Variants in ZNF91 observed in about 807,000 individuals in gnomAD.
The protein encoded by ZNF91 is zinc finger protein 91 (HPF7, HTF10).
Under a neutral mutation model 12.6 loss-of-function variants are expected in ZNF91, and 7 were observed. That is an observed-to-expected ratio of 0.55 (90% CI 0.31 to 1.04). ZNF91 has a LOEUF of 1.04. ZNF91 is among the 50% of genes least tolerant of loss of function. ZNF91 has a pLI of 0.05. For synonymous variants in ZNF91, 453 were observed against 462.6 expected, an observed-to-expected ratio of 0.98 and a Z score of 0.27; for missense variants, 1,217 against 1,385.4, an observed-to-expected ratio of 0.88 and a Z score of 1.93.
In ZNF91 at chr19:23,374,782, A is replaced by T. The variant is rs751594602; in HGVS notation, c.31-18T>A. ...AACAGTCCCTGAAAAACACACACAAACACACATATTTACAAAGTGGCTATG... is the reference window on the plus strand; with the variant it reads ...AACAGTCCCTGAAAAACACACACAATCACACATATTTACAAAGTGGCTATG... On this transcript the variant is annotated intron_variant, in intron 1 of 3. Transcript: ENST00000300619. The T allele has an allele frequency of 6.2e-7, 1 of 1,605,452 alleles. No homozygotes were observed. The highest frequency in any genetic ancestry group is 8.5e-7 in the Non-Finnish European group (1 of 1,175,372).
chr19:23,362,382 T>C lies in ZNF91; in HGVS notation c.597A>G (p.Gln199=), dbSNP rs751473780. 2.6e-5 allele frequency: 42 copies of C among 1,613,752 alleles called. No homozygotes were observed. The African/African-American group carries it at 4.8e-4, about 18-fold the overall frequency. The part of the protein sequence containing the change: ...KSFCIRLHKT[Q]HKCVYITEKS... ...TCTCTGTAATATAAACGCATTTATGTTGGGTTTTGTGTAAACGGATGCAAA... is the reference window on the plus strand; with the variant it reads ...TCTCTGTAATATAAACGCATTTATGCTGGGTTTTGTGTAAACGGATGCAAA... The change falls in exon 4 of 4, where the codon CAA becomes CAG. Residue 199 remains glutamine, a synonymous_variant. Transcript: ENST00000300619.
chr19:23,323,838 C>G (rs950759330), intron 1 of ZNF91: 2 of 147,432 alleles, frequency 1.4e-5, no homozygotes, highest in African/African-American at 5.1e-5. Context: ...TTTCTTTTCT[C>G]CCATCCTTTT....
At chr19:23,344,688 T>C (rs1022401964) in intron 3 of ZNF91, among the ~76,000 whole-genome samples, 1 of 152,202 alleles carries the variant, frequency 6.6e-6, no homozygotes, top group South Asian at 2.1e-4. Context: ...CTCACTGATA[T>C]CTGAGGACCC....
At position 23,340,596 on chromosome 19, in the gene ZNF91, G is replaced by A. The variant is rs73565010; in HGVS notation, c.254-1542C>T. 3.6e-3 allele frequency among the ~76,000 whole-genome samples: 549 copies of A among 152,032 alleles called. 2 individuals carry two copies. Among genetic ancestry groups the A allele is most frequent in the African/African-American group, 0.013 (526 of 41,502 alleles). On this transcript the variant is annotated intron_variant, in intron 3 of 3. Transcript: ENST00000599743. ...TAAATGCACAGCAAAATTCTACCAA[G>A]TGTACAAACAATAATAATCCTCCTG...
intron 3 of ZNF91, chr19:23,306,790 CTTTA>C (rs1421579578): frequency 7.2e-5 from 11 of 151,874 alleles, no homozygotes; most frequent in African/African-American, 2.7e-4. Flanking sequence ...CTTTTCCTTT[CTTTA>C]TTTTTTTTTC....
rs1161656658 is a variant in ZNF91 at position 23,327,596 on chromosome 19, A to G, written n.117-18499T>C. The G allele has an allele frequency of 2.0e-5, 3 of 152,340 alleles. No homozygotes were observed. In the South Asian group the frequency reaches 6.2e-4, roughly 32 times the overall value. 9.4% of individuals were successfully genotyped at this position (152,340 alleles called of 1,614,324 possible). ...AATAAGTGCTTACATGCTAACTAGT[A>G]TTTAGACTCATACCTGGCAGATACA... On this transcript the variant is annotated intron_variant and non_coding_transcript_variant, in intron 1 of 1. Transcript: ENST00000596528.
In ZNF91 at chr19:23,342,500, GT is replaced by G. The variant is rs748091429; in HGVS notation, c.254-3447del. On this transcript the variant is annotated intron_variant, in intron 3 of 3. Transcript: ENST00000599743. ...TGCTGGATATTGGATTTTAATATTT[GT>G]GCAACAGTATTTAATGCCACTGAAT... Among the ~76,000 whole-genome samples, 1,182 of 152,116 alleles carry G rather than the reference GT, an allele frequency of 7.8e-3. 7 individuals are homozygous for G. Among genetic ancestry groups the G allele is most frequent in the Middle Eastern group, 0.014 (4 of 294 alleles).
At chr19:23,373,984 G>C in intron 2 of ZNF91, 147 bp from the exon 3 acceptor site, 1 of 434,854 alleles carries the variant, frequency 2.3e-6, no homozygotes. Flanking sequence ...TAAATATTTA[G>C]AAGATATTTT....
intron 1 of ZNF91, 62 bp downstream of exon 1, chr19:23,395,246 GAGGCTCGCCACAGCCGC>G: frequency 6.4e-7 from 1 of 1,561,534 alleles, no homozygotes; most frequent in Non-Finnish European, 8.7e-7. Flanking sequence ...AGGAAGGCCT[GAGGCTCGCCACAGCCGC>G]ATCCCACCGG....
chr19:23,308,621 C>T (rs1160440316), intron 2 of ZNF91: 1 of 152,216 alleles, frequency 6.6e-6, no homozygotes, highest in Non-Finnish European at 1.5e-5. Flanking sequence ...GGGATTATGA[C>T]ATATCACTTT....
chr19:23,365,603 T>C (rs1158875775), intron 3 of ZNF91, among the ~76,000 whole-genome samples: 1 of 149,590 alleles, frequency 6.7e-6, no homozygotes, highest in Non-Finnish European at 1.5e-5. Context: ...CATTCTTGGG[T>C]GTTTCTCGCA....
chr19:23,386,736 C>T (rs558868302), intron 1 of ZNF91, among the ~76,000 whole-genome samples: 2 of 152,214 alleles, frequency 1.3e-5, no homozygotes, highest in Admixed American at 1.3e-4. Context: ...CCATTCTAGA[C>T]ACAGAAACTG....
chr19:23,321,285 A>G (rs1173608740), intron 1 of ZNF91, among the ~76,000 whole-genome samples: 1 of 152,158 alleles, frequency 6.6e-6, no homozygotes, highest in Non-Finnish European at 1.5e-5. Context: ...TGCCTCTTAC[A>G]GGAGGCATTG....
At chr19:23,377,326 C>T (rs1336985896) in intron 1 of ZNF91, among the ~76,000 whole-genome samples, 1 of 152,206 alleles carries the variant, frequency 6.6e-6, no homozygotes, top group Non-Finnish European at 1.5e-5. Context: ...ATCTTCAGAA[C>T]ATTAAACAGA....
intron 3 of ZNF91, among the ~76,000 whole-genome samples, chr19:23,371,084 TAATCC>T (rs1179691124): frequency 6.6e-6 from 1 of 152,152 alleles, no homozygotes; most frequent in Non-Finnish European, 1.5e-5. Context: ...CTGACACCTG[TAATCC>T]CAGCACTTTG....
At chr19:23,384,655 A>G in intron 1 of ZNF91, 1 of 627,910 alleles carries the variant, frequency 1.6e-6, no homozygotes, top group South Asian at 2.4e-5. Flanking sequence ...CATACCATCC[A>G]AATCGGCAAA....
At position 23,362,263 on chromosome 19, in the gene ZNF91, T is replaced by C; in HGVS notation, c.716A>G (p.Lys239Arg). The change falls in exon 4 of 4, where the codon AAA (lysine) becomes AGA (arginine). Residue 239 changes from lysine to arginine, a missense_variant. Lys to Arg is a conservative substitution (Grantham distance 26). Transcript: ENST00000300619. ...KEIHTEDKPYKCEECGKAFKQ... is the reference protein window; with the variant it reads ...KEIHTEDKPYRCEECGKAFKQ... ...AAAAGCTTTGCCACATTCTTCACAT[T>C]TGTAGGGTTTATCTTCAGTATGAAT... The C allele has an allele frequency of 1.2e-6, 2 of 1,614,098 alleles. No homozygotes were observed. Among genetic ancestry groups the C allele is most frequent in the Middle Eastern group, 1.7e-4 (1 of 6,060 alleles).
chr19:23,395,389 G>A lies in ZNF91; in HGVS notation c.-35C>T, dbSNP rs780335277. 18 of 1,612,430 alleles carry A rather than the reference G, an allele frequency of 1.1e-5. No individual in the cohort carries two copies. In the African/African-American group the frequency reaches 2.3e-4, roughly 20 times the overall value. On this transcript the variant is annotated 5_prime_UTR_variant, in exon 1 of 4. Coordinates refer to ENST00000300619, the MANE Select transcript of ZNF91 (RefSeq NM_003430.4). ...GGCTCTCCAATACCTGCAGGTCACA[G>A]GGCCACACAGGCTGGGCCTCCTGGA... is the stretch of plus-strand genomic sequence containing the variant.
At chr19:23,388,698 G>A (rs1054404152) in intron 1 of ZNF91, among the ~76,000 whole-genome samples, 3 of 152,042 alleles carry the variant, frequency 2.0e-5, no homozygotes, top group South Asian at 2.1e-4. Flanking sequence ...ATGGTGAAAC[G>A]CCATCTCTAC....
Sources: allele counts gnomAD v4.1 joint callset (sites outside exome capture counted in the v4.1 genomes callset), GRCh38; gene constraint gnomAD v4.1.1; transcripts MANE v1.5; gene names NCBI Gene and HGNC (gene_info 2026-07-23, HGNC 2026-07-21).